Variants in PINX1 observed in about 807,000 individuals in gnomAD.
PINX1 encodes PIN2 (TERF1) interacting telomerase inhibitor 1.
A neutral mutation model predicts 25.4 loss-of-function variants in PINX1; 34 were observed. That is an observed-to-expected ratio of 1.34 (90% confidence interval 1.02 to 1.78). The LOEUF (loss-of-function observed/expected upper bound fraction) is 1.78. Among genes scored for constraint, PINX1 ranks in the 40% most tolerant of loss-of-function variants. The pLI is 0.00. For synonymous variants in PINX1, 197 were observed against 147.7 expected (o/e 1.33, Z -2.42); for missense variants, 592 against 404.9 (o/e 1.46, Z -3.97).
At chr8:10,793,030 T>A (rs1305725929) in intron 6 of PINX1, among the ~76,000 whole-genome samples, 1 of 152,138 alleles carries the variant, frequency 6.6e-6, no homozygotes, top group Non-Finnish European at 1.5e-5. Flanking sequence ...CAAATGAACG[T>A]GTTTCCCGGC....
At chr8:10,800,280 A>G (rs1802225055) in intron 6 of PINX1, among the ~76,000 whole-genome samples, 1 of 152,206 alleles carries the variant, frequency 6.6e-6, no homozygotes, top group Non-Finnish European at 1.5e-5. Context: ...GTCCGACTTA[A>G]GAGTCAACCT....
At chr8:10,836,000 G>A (rs1011788469) in intron 1 of PINX1, among the ~76,000 whole-genome samples, 22 of 152,252 alleles carry the variant, frequency 1.4e-4, no homozygotes, top group African/African-American at 3.4e-4. Flanking sequence ...AGACTGTGGC[G>A]AAATGAGAAA....
At position 10,835,521 on chromosome 8, in the gene PINX1, T is replaced by C. The variant is rs907024059; in HGVS notation, c.20-746A>G. Among the ~76,000 whole-genome samples, 14 of 152,338 alleles carry C rather than the reference T, an allele frequency of 9.2e-5. No individual in the cohort carries two copies. In the East Asian group the frequency reaches 1.3e-3, roughly 15 times the overall value. ...GATAATAACAATCCCATCCCTCTCA[T>C]TGAGATGCCCTGAAGCCCTCTGACC... On this transcript the variant is annotated intron_variant, in intron 1 of 6. Coordinates refer to ENST00000314787, the MANE Select transcript of PINX1 (RefSeq NM_017884.6).
chr8:10,830,588 T>C (rs773020261), intron 4 of PINX1, among the ~76,000 whole-genome samples: 14 of 152,230 alleles, frequency 9.2e-5, no homozygotes, highest in Non-Finnish European at 1.5e-4. Context: ...ACACAAGGAA[T>C]AGACTGTTCA....
chr8:10,818,868 G>A (rs150306501), intron 6 of PINX1, among the ~76,000 whole-genome samples: 163 of 152,298 alleles, frequency 1.1e-3, no homozygotes, highest in African/African-American at 3.7e-3. Context: ...AGGGGTTGGA[G>A]AGGAGGCTGG....
rs1170993334 is a variant in PINX1 at position 10,775,418 on chromosome 8, T to TTTTTG, written c.472-9503_472-9502insCAAAA. Among the ~76,000 whole-genome samples the TTTTTG allele has an allele frequency of 5.1e-4, 75 of 146,938 alleles. 1 individual carries two copies. The South Asian group carries it at 0.015, about 29-fold the overall frequency. Reference sequence around the variant, plus strand: ...GTTCTGTCTGTTTTGTGGTTTTTTTTTTTTTTTTTTTTTTTTTTTTTTGCC... The same window carrying TTTTTG: ...GTTCTGTCTGTTTTGTGGTTTTTTTTTTTTGTTTTTTTTTTTTTTTTTTTTTTGCC... On this transcript the variant is annotated intron_variant, in intron 6 of 6. Coordinates refer to ENST00000314787, the MANE Select transcript of PINX1 (RefSeq NM_017884.6).
intron 6 of PINX1, among the ~76,000 whole-genome samples, chr8:10,794,581 C>G (rs1436629887): frequency 6.6e-6 from 1 of 152,040 alleles, no homozygotes; most frequent in Admixed American, 6.6e-5. Context: ...CGCCTGCCAC[C>G]ACGTCTGGCT....
At chr8:10,833,110 CT>C in intron 2 of PINX1, 126 bp from the exon 3 acceptor site, 1 of 584,580 alleles carries the variant, frequency 1.7e-6, no homozygotes, top group East Asian at 3.0e-5. Context: ...CCATTAAATA[CT>C]TTCACAAAGC....
At position 10,784,058 on chromosome 8, in the gene PINX1, A is replaced by C. The variant is rs1563207954; in HGVS notation, c.472-18142T>G. On this transcript the variant is annotated intron_variant, in intron 6 of 6. Coordinates refer to ENST00000314787, the MANE Select transcript of PINX1 (RefSeq NM_017884.6). ...TATAAAGAGTCTAAACTAAACTCTGACCAATGATGATAATGTGTCATGCAT... is the reference window on the plus strand; with the variant it reads ...TATAAAGAGTCTAAACTAAACTCTGCCCAATGATGATAATGTGTCATGCAT... Among the ~76,000 whole-genome samples, 5 of 152,336 alleles carry C rather than the reference A, an allele frequency of 3.3e-5. No individual in the cohort carries two copies. In the East Asian group the frequency reaches 7.7e-4, roughly 23 times the overall value.
intron 6 of PINX1, among the ~76,000 whole-genome samples, chr8:10,793,484 A>C (rs1196334207): frequency 1.3e-5 from 2 of 152,170 alleles, no homozygotes; most frequent in African/African-American, 4.8e-5. Flanking sequence ...ATCTCACAAC[A>C]TTTAAAAGAC....
intron 6 of PINX1, among the ~76,000 whole-genome samples, chr8:10,800,375 G>T (rs1183271826): frequency 1.3e-5 from 2 of 152,068 alleles, no homozygotes; most frequent in African/African-American, 4.8e-5. Flanking sequence ...TTCTTTTACT[G>T]AAAGAGCTGT....
chr8:10,830,545 C>G (rs182990837), intron 4 of PINX1, among the ~76,000 whole-genome samples: 15 of 152,332 alleles, frequency 9.8e-5, no homozygotes, highest in Non-Finnish European at 1.6e-4. Context: ...TTCTTTCAAT[C>G]TACCAAATAT....
chr8:10,771,875 C>T (rs977583405), intron 6 of PINX1, among the ~76,000 whole-genome samples: 4 of 152,232 alleles, frequency 2.6e-5, no homozygotes, highest in Non-Finnish European at 5.9e-5. Context: ...CTAACTACTG[C>T]AGAGTACATC....
At chr8:10,839,689 G>T in intron 1 of PINX1, 49 bp downstream of exon 1, 2 of 1,578,036 alleles carry the variant, frequency 1.3e-6, no homozygotes, top group East Asian at 2.3e-5. Context: ...CGCGTCACCC[G>T]GCATCTTCAC....
intron 6 of PINX1, among the ~76,000 whole-genome samples, chr8:10,792,232 T>C (rs1801946713): frequency 6.6e-6 from 1 of 152,036 alleles, no homozygotes; most frequent in Non-Finnish European, 1.5e-5. Context: ...CAGGTTCCTC[T>C]CTGCCCTCTT....
rs551872381 is a variant in PINX1 at position 10,770,255 on chromosome 8, T to G, written c.472-4339A>C. Reference sequence around the variant, plus strand: ...ACTCAGTTTCCTCATCAGCAACAGGTCAATTCAGGTGGTTCATGGGCGTAC... The same window carrying G: ...ACTCAGTTTCCTCATCAGCAACAGGGCAATTCAGGTGGTTCATGGGCGTAC... On this transcript the variant is annotated intron_variant, in intron 6 of 6. Transcript: ENST00000314787. 4.1e-4 allele frequency among the ~76,000 whole-genome samples: 62 copies of G among 152,308 alleles called. 1 individual carries two copies. In the South Asian group the frequency reaches 0.013, roughly 32 times the overall value.
chr8:10,770,910 G>GC (rs1801202167), intron 6 of PINX1, among the ~76,000 whole-genome samples: 2 of 152,186 alleles, frequency 1.3e-5, no homozygotes, highest in Admixed American at 1.3e-4. Flanking sequence ...AGGTCATGCT[G>GC]CAACAGTAAT....
At chr8:10,801,612 A>G (rs1164083930) in intron 6 of PINX1, among the ~76,000 whole-genome samples, 1 of 152,190 alleles carries the variant, frequency 6.6e-6, no homozygotes, top group Admixed American at 6.5e-5. Context: ...GGTCTTTTCC[A>G]GCTATAAAAT....
chr8:10,821,519 A>T (rs2129086157), intron 5 of PINX1, among the ~76,000 whole-genome samples: 1 of 152,296 alleles, frequency 6.6e-6, no homozygotes, highest in East Asian at 1.9e-4. Flanking sequence ...TTTATGATTA[A>T]ATAGGACCTA....
Sources: gnomAD v4.1 joint callset for allele counts (sites outside exome capture counted in the v4.1 genomes callset) on GRCh38, gnomAD v4.1.1 for gene constraint, MANE v1.5 for transcripts, NCBI Gene and HGNC (gene_info 2026-07-23, HGNC 2026-07-21) for gene names.